YY1AP1: variants seen among roughly 807,000 people sequenced by gnomAD.
YY1AP1 encodes the protein YY1-associated protein 1.
In YY1AP1, 43 loss-of-function variants were observed where a neutral mutation model predicts 39.9. The ratio of observed to expected loss-of-function variants is 1.08; its 90% confidence interval spans 0.84 to 1.39. The LOEUF (loss-of-function observed/expected upper bound fraction) is 1.39, where lower values mean the gene tolerates loss of function less well. Among genes scored for constraint, YY1AP1 ranks in the 40% most tolerant of loss-of-function variants. The pLI, the probability that YY1AP1 is intolerant of heterozygous loss-of-function variation, is 0.00. For missense variants in YY1AP1, 813 were observed against 900.7 expected, an observed-to-expected ratio of 0.90 and a Z score of 1.25; for synonymous variants, 292 against 331.3, an observed-to-expected ratio of 0.88 and a Z score of 1.29.
chr1:155,685,621 GAATA>G (rs1330782810), intron 2 of YY1AP1, among the ~76,000 whole-genome samples: 1 of 152,104 alleles, frequency 6.6e-6, no homozygotes, highest in East Asian at 1.9e-4. Context: ...ACGATAAAAA[GAATA>G]AATTAAAAAT....
rs905995249 is a variant in YY1AP1 at position 155,668,925 on chromosome 1, G to A, written c.729-148C>T. 25 of 1,156,318 alleles carry A rather than the reference G, an allele frequency of 2.2e-5. No homozygotes were observed. In the Admixed American group the frequency reaches 5.3e-4, roughly 25 times the overall value. The allele number at this position is 1,156,318 out of a possible 1,614,324, so 71.6% of individuals were successfully genotyped here. On this transcript the variant is annotated intron_variant, in intron 8 of 10. Transcript: ENST00000355499. ...GTCACCTGGGCTGGAGTGCAGTGGC[G>A]TGATCGCAGCCCACTGCAGCTGCTA... is the stretch of plus-strand genomic sequence containing the variant.
chr1:155,677,919 T>C (rs1363103921), intron 4 of YY1AP1, among the ~76,000 whole-genome samples: 1 of 152,220 alleles, frequency 6.6e-6, no homozygotes, highest in East Asian at 1.9e-4. Context: ...CTCTTCCTTA[T>C]TGTGTTTTAA....
Position 155,660,600 on chromosome 1 carries a change from G to A in YY1AP1, c.1310C>T (p.Thr437Ile), listed in dbSNP as rs890605459. 1.9e-6 allele frequency: 3 copies of A among 1,614,110 alleles called. No homozygotes were observed. The highest frequency in any genetic ancestry group is 2.5e-6 in the Non-Finnish European group (3 of 1,180,046). ...TTTGCTCGGAGGGGCTTCTGAATGA[G>A]TTGATTGGGCTGGTGTTTTCCCAGG... ...FNPGKTPAQS[T>I]HSEAPPSKMV... The change falls in exon 11 of 11, where the codon ACT (threonine) becomes ATT (isoleucine). Residue 437 changes from threonine to isoleucine, a missense_variant. Coordinates refer to ENST00000355499, the MANE Select transcript of YY1AP1 (RefSeq NM_139119.3).
In YY1AP1 at chr1:155,681,874, AG is replaced by A. The variant is rs568350445; in HGVS notation, c.-20-1419del. ...TTTTTTTTTTTTTTTAAATAGAGCC[AG>A]GGACTTGCTATGTTGCCCAGGCTGG... is the stretch of plus-strand genomic sequence containing the variant. On this transcript the variant is annotated intron_variant, in intron 2 of 10. Transcript: ENST00000355499. Among the ~76,000 whole-genome samples the A allele has an allele frequency of 1.6e-4, 23 of 147,368 alleles. No individual in the cohort carries two copies. In the South Asian group the frequency reaches 4.3e-3, roughly 28 times the overall value.
chr1:155,679,335 C>A (rs1367894005), intron 4 of YY1AP1, 74 bp downstream of exon 4: 6 of 1,604,474 alleles, frequency 3.7e-6, no homozygotes, highest in Non-Finnish European at 5.1e-6. Context: ...AAATTGTTAA[C>A]TGCAACTTCT....
At chr1:155,677,440 T>C (rs1650862553) in intron 4 of YY1AP1, among the ~76,000 whole-genome samples, 1 of 152,142 alleles carries the variant, frequency 6.6e-6, no homozygotes, top group East Asian at 1.9e-4. Context: ...ATGATTACTA[T>C]ACCTTTTCTA....
intron 2 of YY1AP1, among the ~76,000 whole-genome samples, chr1:155,685,349 C>G (rs1652066677): frequency 6.6e-6 from 1 of 152,156 alleles, no homozygotes; most frequent in African/African-American, 2.4e-5. Context: ...ATTAGCGTCT[C>G]TTCAAGCACA....
chr1:155,676,726 T>G lies in YY1AP1; in HGVS notation c.146A>C (p.Asn49Thr). 1 of 1,614,110 alleles carries G rather than the reference T, an allele frequency of 6.2e-7. No homozygotes were observed. The highest frequency in any genetic ancestry group is 8.5e-7 in the Non-Finnish European group (1 of 1,180,006). ...QALRFEELLA[N>T]LLNEQHQIAK... ...TATCTGATGTTGTTCATTTAGTAGGTTGGCCAGTAGTTCCTCAAACCTATC... is the reference window on the plus strand; with the variant it reads ...TATCTGATGTTGTTCATTTAGTAGGGTGGCCAGTAGTTCCTCAAACCTATC... Residue 49 changes from asparagine (N) to threonine (T), a missense_variant, in exon 5 of 11, where the codon AAC becomes ACC. Asn to Thr is a moderately conservative substitution (Grantham distance 65, BLOSUM62 0). Transcript: ENST00000355499.
chr1:155,676,483 A>G lies in YY1AP1; in HGVS notation c.324+65T>C, dbSNP rs1289026787. 4.4e-6 allele frequency: 7 copies of G among 1,588,368 alleles called. No individual in the cohort carries two copies. In the Admixed American group the frequency reaches 1.0e-4, roughly 23 times the overall value. On this transcript the variant is annotated intron_variant, in intron 5 of 10. Coordinates refer to ENST00000355499, the MANE Select transcript of YY1AP1 (RefSeq NM_139119.3). ...TTTACAAAGCTGCTAATTTTAGATT[A>G]TACCAAAGCCTCAGAGTTAGGCCTT...
intron 4 of YY1AP1, 134 bp from the exon 5 acceptor site, chr1:155,676,880 G>T: frequency 1.2e-6 from 1 of 858,366 alleles, no homozygotes; most frequent in Non-Finnish European, 1.8e-6. Flanking sequence ...TTAGCCAACA[G>T]TCAAACTCCC....
chr1:155,665,584 AAAGCGAG>A (rs974620814), intron 9 of YY1AP1, among the ~76,000 whole-genome samples: 1 of 151,666 alleles, frequency 6.6e-6, no homozygotes, highest in African/African-American at 2.4e-5. Context: ...CCTGGGCAAC[AAAGCGAG>A]ACTCGGTCTC....
At chr1:155,678,721 C>G (rs1402295467) in intron 4 of YY1AP1, among the ~76,000 whole-genome samples, 1 of 152,194 alleles carries the variant, frequency 6.6e-6, no homozygotes, top group Non-Finnish European at 1.5e-5. Context: ...CCCAAGCTCT[C>G]TGCTTAGTAG....
At chr1:155,680,242 T>A in intron 3 of YY1AP1, 174 bp downstream of exon 3, 2 of 538,126 alleles carry the variant, frequency 3.7e-6, no homozygotes, top group Non-Finnish European at 3.2e-6. Flanking sequence ...ATGTGGATAA[T>A]CAAGAGTCTA....
intron 4 of YY1AP1, 29 bp from the exon 5 acceptor site, chr1:155,676,775 AGT>A: frequency 3.1e-6 from 5 of 1,609,894 alleles, no homozygotes; most frequent in Non-Finnish European, 3.4e-6. Context: ...ACTGAATTTG[AGT>A]GTTTTCCTAG....
intron 2 of YY1AP1, among the ~76,000 whole-genome samples, chr1:155,681,711 A>G (rs574439850): frequency 2.0e-5 from 3 of 152,352 alleles, no homozygotes; most frequent in Non-Finnish European, 4.4e-5. Context: ...ATACTTAACA[A>G]ATCTGTAGAT....
chr1:155,673,973 A>G (rs1384570480), intron 6 of YY1AP1, among the ~76,000 whole-genome samples: 4 of 151,974 alleles, frequency 2.6e-5, no homozygotes, highest in Admixed American at 2.0e-4. Context: ...CATCCCGGCT[A>G]AAACGGTGAA....
Position 155,660,292 on chromosome 1 carries a change from G to C in YY1AP1, c.1618C>G (p.Arg540Gly), listed in dbSNP as rs146326519. 3 of 1,614,184 alleles carry C rather than the reference G, an allele frequency of 1.9e-6. No individual in the cohort carries two copies. In the South Asian group the frequency reaches 3.3e-5, roughly 18 times the overall value. ...ATAACAGGGGCAGGTTTGATACAGC[G>C]AAAGGCCCTGGCTCCCCTTCTTTTT... ...PSKRRGARAF[R>G]CIKPAPVIHP... Residue 540 changes from arginine (R) to glycine (G), a missense_variant, in exon 11 of 11, where the codon CGC (arginine) becomes GGC (glycine). By Grantham distance (125) the Arg-to-Gly change is moderately radical. This residue lies in a region of YY1AP1 where 586 missense variants were observed against 647.4 expected (regional missense o/e 0.91). Transcript: ENST00000355499.
chr1:155,665,174 T>C (rs1000963782), intron 9 of YY1AP1, among the ~76,000 whole-genome samples: 1 of 151,970 alleles, frequency 6.6e-6, no homozygotes, highest in South Asian at 2.1e-4. Context: ...TCTCAGCACT[T>C]TGGGATGCTG....
intron 1 of YY1AP1, chr1:155,688,438 T>TC: frequency 1.9e-6 from 3 of 1,547,410 alleles, no homozygotes; most frequent in Non-Finnish European, 2.6e-6. Context: ...TTCCCCACGG[T>TC]CCCCCGCTTC....
Sources: gnomAD v4.1 joint callset for allele counts (sites outside exome capture counted in the v4.1 genomes callset) on GRCh38, gnomAD v4.1.1 for gene constraint, gnomAD v4.1.1 regional missense constraint, MANE v1.5 for transcripts, NCBI Gene and HGNC (gene_info 2026-07-23, HGNC 2026-07-21) for gene names.